FOXK2: variants seen among roughly 807,000 people sequenced by gnomAD.
The protein encoded by FOXK2 is forkhead box protein K2.
FOXK2 carries 24 observed loss-of-function variants against 53.3 expected under a neutral mutation model. That is an observed-to-expected ratio of 0.45 (90% confidence interval 0.33 to 0.63). The LOEUF (loss-of-function observed/expected upper bound fraction) is 0.63, where lower values mean the gene tolerates loss of function less well. FOXK2 is among the 30% of genes least tolerant of loss of function. The pLI, the probability that FOXK2 is intolerant of heterozygous loss-of-function variation, is 0.03. For missense variants in FOXK2, 952 were observed against 910.5 expected, an observed-to-expected ratio of 1.05 and a Z score of -0.59; for synonymous variants, 505 against 407.1, an observed-to-expected ratio of 1.24 and a Z score of -2.89.
rs199509312 is a variant in FOXK2 at position 82,536,684 on chromosome 17, C to T, written c.419+16377C>T. On this transcript the variant is annotated intron_variant, in intron 1 of 8. Transcript: ENST00000335255. Reference sequence around the variant, plus strand: ...GATCAGCCCAGAGTGAAAGCAAGCTCGAGGCCGAGGAGGTCTTCGCAGAGG... The same window carrying T: ...GATCAGCCCAGAGTGAAAGCAAGCTTGAGGCCGAGGAGGTCTTCGCAGAGG... Among the ~76,000 whole-genome samples the T allele has an allele frequency of 4.6e-5, 7 of 152,282 alleles. No homozygotes were observed. In the East Asian group the frequency reaches 9.6e-4, roughly 21 times the overall value.
intron 1 of FOXK2, among the ~76,000 whole-genome samples, chr17:82,531,935 G>T (rs566351629): frequency 1.3e-5 from 2 of 152,256 alleles, no homozygotes; most frequent in African/African-American, 4.8e-5. Flanking sequence ...CTGCCTCCCA[G>T]GTTCAAGCAG....
chr17:82,596,100 A>AGGCCACACCTGCGGCCACACCTGC, intron 8 of FOXK2: 1 of 1,039,946 alleles, frequency 9.6e-7, no homozygotes, highest in Non-Finnish European at 1.2e-6. Flanking sequence ...GAGTCGGTTG[A>AGGCCACACCTGCGGCCACACCTGC]GGCCACACCT....
At chr17:82,536,463 C>A (rs953317636) in intron 1 of FOXK2, among the ~76,000 whole-genome samples, 1 of 152,084 alleles carries the variant, frequency 6.6e-6, no homozygotes, top group Admixed American at 6.6e-5. Flanking sequence ...TTTTATTTAA[C>A]GACTTTTCCA....
Position 82,596,195 on chromosome 17 carries a change from A to G in FOXK2, c.1787-5108A>G, listed in dbSNP as rs1345339125. 8 of 993,462 alleles carry G rather than the reference A, an allele frequency of 8.1e-6. No homozygotes were observed. The East Asian group carries it at 6.7e-4, about 84-fold the overall frequency. 61.5% of individuals were successfully genotyped at this position (993,462 alleles called of 1,614,324 possible). A position where few individuals can be genotyped will look rare whatever the true frequency, so the allele number is the denominator to read the frequency against. On this transcript the variant is annotated intron_variant, in intron 8 of 8. Transcript: ENST00000335255. The stretch of plus-strand genomic sequence containing the variant: ...GCCCAGCTCACACCAACTGCAGGTC[A>G]GTTCCTGCTTCGCCTTCAGTAGCCT...
At position 82,584,844 on chromosome 17, in the gene FOXK2, G is replaced by A. The variant is rs199625051; in HGVS notation, c.1279+656G>A. Among the ~76,000 whole-genome samples, 73 of 152,262 alleles carry A rather than the reference G, an allele frequency of 4.8e-4. 1 individual carries two copies. In the East Asian group the frequency reaches 0.012, roughly 25 times the overall value. On this transcript the variant is annotated intron_variant, in intron 6 of 8. Transcript: ENST00000335255. ...TGGGCGTACAGGCGTGAGCCACCACGCCCAGCCTAACATGTCCATTTTAAG... is the reference window on the plus strand; with the variant it reads ...TGGGCGTACAGGCGTGAGCCACCACACCCAGCCTAACATGTCCATTTTAAG...
In FOXK2 at chr17:82,604,535, C is replaced by CAAAG. The variant is rs1567994088; in HGVS notation, c.*3038_*3041dup. On this transcript the variant is annotated 3_prime_UTR_variant, in exon 9 of 9. Transcript: ENST00000335255. ...AGAAAGTATAGTGGTGATTTGTGTG[C>CAAAG]AAAGATTTGAAGTTTTAAAAAAGTA... 6.6e-6 allele frequency: 1 copy of CAAAG among 152,480 alleles called. No homozygotes were observed. Among genetic ancestry groups the CAAAG allele is most frequent in the African/African-American group, 2.4e-5 (1 of 41,388 alleles). The allele number at this position is 152,480 out of a possible 1,614,324, so 9.4% of individuals were successfully genotyped here.
rs781725381 is a variant in FOXK2, at chr17:82,584,150, C to T, written c.1241C>T (p.Ala414Val). Residue 414 changes from alanine to valine, a missense_variant, in exon 6 of 9, where the codon GCT (alanine) becomes GTT (valine). This residue lies in a region of FOXK2 where 551 missense variants were observed against 385.1 expected (regional missense o/e 1.43). Transcript: ENST00000335255. Reference sequence around the variant, plus strand: ...CCTGGCGCTGCACAGCCCAAACTCGCTGTCATCCAGGAAGCCCGGTTTGCC... The same window carrying T: ...CCTGGCGCTGCACAGCCCAAACTCGTTGTCATCCAGGAAGCCCGGTTTGCC... Reference protein sequence around the residue: ...PEPGAAQPKLAVIQEARFAQS... With the variant: ...PEPGAAQPKLVVIQEARFAQS... 6.2e-7 allele frequency: 1 copy of T among 1,609,400 alleles called. No individual in the cohort carries two copies. The highest frequency in any genetic ancestry group is 1.7e-5 in the Admixed American group (1 of 59,868).
intron 1 of FOXK2, among the ~76,000 whole-genome samples, chr17:82,557,148 T>G (rs1179791465): frequency 6.6e-6 from 1 of 151,770 alleles, no homozygotes; most frequent in Non-Finnish European, 1.5e-5. Flanking sequence ...TTCTCCTGCC[T>G]CAGCCTCCCA....
rs1567993035 is a variant in FOXK2 at position 82,602,794 on chromosome 17, C to T, written c.*1295C>T. 2 of 152,296 alleles carry T rather than the reference C, an allele frequency of 1.3e-5. No individual in the cohort carries two copies. The highest frequency in any genetic ancestry group is 4.1e-4 in the South Asian group (2 of 4,836). The allele number at this position is 152,296 out of a possible 1,614,324, so 9.4% of individuals were successfully genotyped here. ...TCAGGAAGAAAACCGCTGGCCCTTC[C>T]CGAGTGTGCCGGCCGAGGGCCGAGG... On this transcript the variant is annotated 3_prime_UTR_variant, in exon 9 of 9. Transcript: ENST00000335255.
chr17:82,532,128 C>T (rs1332453360), intron 1 of FOXK2, among the ~76,000 whole-genome samples: 2 of 150,188 alleles, frequency 1.3e-5, no homozygotes, highest in Admixed American at 6.7e-5. Flanking sequence ...GGATTATAGG[C>T]GTGAGCCACT....
intron 8 of FOXK2, among the ~76,000 whole-genome samples, chr17:82,591,753 G>A (rs1383185122): frequency 6.6e-6 from 1 of 152,204 alleles, no homozygotes; most frequent in Non-Finnish European, 1.5e-5. Flanking sequence ...CTCGCTTTGG[G>A]AGACCCCTGC....
chr17:82,561,534 G>A (rs1359534560), intron 1 of FOXK2, among the ~76,000 whole-genome samples: 2 of 152,254 alleles, frequency 1.3e-5, no homozygotes, highest in East Asian at 1.9e-4. Flanking sequence ...CCAGAGTCTG[G>A]TGTCCTGGAC....
intron 4 of FOXK2, among the ~76,000 whole-genome samples, chr17:82,582,303 TC>T (rs2045073168): frequency 6.6e-6 from 1 of 152,090 alleles, no homozygotes; most frequent in African/African-American, 2.4e-5. Flanking sequence ...GGATTGCTCA[TC>T]CCTCCTGTTG....
intron 8 of FOXK2, chr17:82,587,501 C>T (rs2045200787): frequency 3.6e-6 from 2 of 560,768 alleles, no homozygotes; most frequent in South Asian, 4.0e-5. Flanking sequence ...GTTTCTAATA[C>T]ATTGAGAGGG....
chr17:82,553,316 C>T (rs1326919061), intron 1 of FOXK2, among the ~76,000 whole-genome samples: 1 of 152,240 alleles, frequency 6.6e-6, no homozygotes, highest in East Asian at 1.9e-4. Flanking sequence ...TGTGTCACGG[C>T]AGAAAAGGAC....
chr17:82,531,253 T>C (rs1315344603), intron 1 of FOXK2, among the ~76,000 whole-genome samples: 8 of 152,146 alleles, frequency 5.3e-5, no homozygotes, highest in Non-Finnish European at 1.2e-4. Flanking sequence ...TATTGCTGAA[T>C]TGGTTGGATG....
chr17:82,530,445 T>TG (rs1491132641), intron 1 of FOXK2, among the ~76,000 whole-genome samples: 1 of 78,876 alleles, frequency 1.3e-5, no homozygotes, highest in Non-Finnish European at 2.3e-5. Flanking sequence ...AAACTCCATC[T>TG]AAAAAAAAAA....
chr17:82,525,953 T>TTACTTTCTTATGTGGCCTGAATCCCA (rs1430838533), intron 1 of FOXK2, among the ~76,000 whole-genome samples: 3 of 1,998 alleles, frequency 1.5e-3, no homozygotes, highest in African/African-American at 8.1e-3. Context: ...AATCCCACAC[T>TTACTTTCTTATGTGGCCTGAATCCCA]TACTTTCTTA....
At chr17:82,563,603 A>G (rs2044821684) in intron 2 of FOXK2, 55 bp downstream of exon 2, 1 of 1,509,508 alleles carries the variant, frequency 6.6e-7, no homozygotes. Flanking sequence ...GGCAGCCCCA[A>G]GTAACGCCTT....
Sources: allele counts gnomAD v4.1 joint callset (sites outside exome capture counted in the v4.1 genomes callset), GRCh38; gene constraint gnomAD v4.1.1; regional missense constraint gnomAD v4.1.1; transcripts MANE v1.5; gene names NCBI Gene and HGNC (gene_info 2026-07-23, HGNC 2026-07-21).